The following TEKT2 variants were observed in gnomAD, a reference collection of about 807,000 sequenced individuals.
The protein encoded by TEKT2 is tektin-2.
In TEKT2, 45 loss-of-function variants were observed where a neutral mutation model predicts 49.8. The observed-to-expected ratio is 0.90, with a 90% CI of 0.71 to 1.16. The LOEUF (loss-of-function observed/expected upper bound fraction) is 1.16. Ranked by LOEUF, TEKT2 falls within the 50% of genes most tolerant of loss-of-function variation. TEKT2 has a pLI of 0.00. For synonymous variants in TEKT2, 202 were observed against 224.6 expected, an observed-to-expected ratio of 0.90 and a Z score of 0.90; for missense variants, 523 against 551.4, an observed-to-expected ratio of 0.95 and a Z score of 0.52.
rs765146970 is a variant in TEKT2, at chr1:36,087,396, C to T, written c.856-43C>T. 2.5e-6 allele frequency: 4 copies of T among 1,613,832 alleles called. No individual in the cohort carries two copies. Among genetic ancestry groups the T allele is most frequent in the Non-Finnish European group, 1.7e-6 (2 of 1,179,994 alleles). ...CAGGAGGCACTGGACCAGGCATGCACGTGAGTCCAGCAGGTGGAAACCAGT... is the reference window on the plus strand; with the variant it reads ...CAGGAGGCACTGGACCAGGCATGCATGTGAGTCCAGCAGGTGGAAACCAGT... On this transcript the variant is annotated intron_variant, in intron 7 of 9. Coordinates refer to ENST00000207457, the MANE Select transcript of TEKT2 (RefSeq NM_014466.3). This position sits in a 1 kb window ranked among gnomAD's most constrained non-coding sequence, Gnocchi z 4.9.
At chr1:36,085,315 G>A (rs1195819689) in intron 3 of TEKT2, 27 bp downstream of exon 3, 11 of 1,613,094 alleles carry the variant, frequency 6.8e-6, no homozygotes, top group South Asian at 1.1e-5. Flanking sequence ...GGGTGCCCGG[G>A]GGCTGCTGCC....
At chr1:36,086,108 C>G (rs1643369211) in intron 4 of TEKT2, 67 bp downstream of exon 4, 1 of 1,520,360 alleles carries the variant, frequency 6.6e-7, no homozygotes, top group African/African-American at 1.4e-5. Context: ...CAATGTGGAA[C>G]ACAGGTATTG....
Position 36,086,031 on chromosome 1 carries a change from G to T in TEKT2, c.478G>T (p.Glu160Ter). Residue 160 changes from glutamate to a stop codon, truncating the protein, a stop_gained, in exon 4 of 10, where the codon GAG becomes TAG. Transcript: ENST00000207457. LOFTEE classifies it high-confidence loss of function. Reference protein sequence around the residue: ...ALQQKVSQAFEQLCLLQEVQQ... With the variant: ...ALQQKVSQAF ...GCAACAGAAGGTCAGCCAGGCCTTCGAGCAGCTCTGGTAAGGGAGAGGCAG... is the reference window on the plus strand; with the variant it reads ...GCAACAGAAGGTCAGCCAGGCCTTCTAGCAGCTCTGGTAAGGGAGAGGCAG... The T allele has an allele frequency of 1.3e-6, 2 of 1,581,348 alleles. No individual in the cohort carries two copies. The highest frequency in any genetic ancestry group is 2.3e-5 in the South Asian group (2 of 87,094).
rs1264094668 is a variant in TEKT2 at position 36,084,665 on chromosome 1, G to A, written c.-52-205G>A. 6.6e-6 allele frequency among the ~76,000 whole-genome samples: 1 copy of A among 152,086 alleles called. No individual in the cohort carries two copies. The highest frequency in any genetic ancestry group is 6.5e-5 in the Admixed American group (1 of 15,280). ...CCTGCTCCAGGACCTGCAAGGTCCA[G>A]GGGTTTGTGTCCGCCTGGGGACGGG... On this transcript the variant is annotated intron_variant, in intron 1 of 9. Coordinates refer to ENST00000207457, the MANE Select transcript of TEKT2 (RefSeq NM_014466.3). This position sits in a 1 kb window ranked among gnomAD's most constrained non-coding sequence, Gnocchi z 4.1.
chr1:36,084,831 T>A lies in TEKT2; in HGVS notation c.-52-39T>A. On this transcript the variant is annotated intron_variant, in intron 1 of 9. Transcript: ENST00000207457. The surrounding 1 kb of genome is among the most constrained non-coding windows in gnomAD (Gnocchi z 4.1). ...CAGGGGGCGTGTGATCCAGGAGGTC[T>A]CCGGAAAGGTCTCCCGCAGCAGTGT... is the stretch of plus-strand genomic sequence containing the variant. 6.3e-7 allele frequency: 1 copy of A among 1,593,294 alleles called. No individual in the cohort carries two copies. The highest frequency in any genetic ancestry group is 8.6e-7 in the Non-Finnish European group (1 of 1,164,122).
Position 36,084,474 on chromosome 1 carries a change from C to G in TEKT2, c.-53+325C>G, listed in dbSNP as rs1260579786. On this transcript the variant is annotated intron_variant, in intron 1 of 9. Coordinates refer to ENST00000207457, the MANE Select transcript of TEKT2 (RefSeq NM_014466.3). The surrounding 1 kb of genome is among the most constrained non-coding windows in gnomAD (Gnocchi z 4.1). ...CTTAGATCCCCCACGGGGACTGGCC[C>G]GCAGCCTGGGGAAGAAAGGAAAGGA... is the stretch of plus-strand genomic sequence containing the variant. 3 of 263,840 alleles carry G rather than the reference C, an allele frequency of 1.1e-5. No individual in the cohort carries two copies. The highest frequency in any genetic ancestry group is 1.0e-4 in the East Asian group (1 of 9,950). The allele number at this position is 263,840 out of a possible 1,614,324, so 16.3% of individuals were successfully genotyped here.
Position 36,084,729 on chromosome 1 carries a change from G to C in TEKT2, c.-52-141G>C. 1.3e-6 allele frequency: 1 copy of C among 770,678 alleles called. No individual in the cohort carries two copies. The highest frequency in any genetic ancestry group is 2.2e-5 in the Admixed American group (1 of 44,510). 47.7% of individuals were successfully genotyped at this position (770,678 alleles called of 1,614,324 possible). A position where few individuals can be genotyped will look rare whatever the true frequency, so the allele number is the denominator to read the frequency against. On this transcript the variant is annotated intron_variant, in intron 1 of 9. Transcript: ENST00000207457. The surrounding 1 kb of genome is among the most constrained non-coding windows in gnomAD (Gnocchi z 4.1). The stretch of plus-strand genomic sequence containing the variant: ...TAGTTAATACCTCACACAAAGTTGA[G>C]TAAAGCAAGGGCTGTCTCCAAGCAG...
In TEKT2 at chr1:36,084,678, G is replaced by A. The variant is rs540485312; in HGVS notation, c.-52-192G>A. 1.7e-4 allele frequency among the ~76,000 whole-genome samples: 26 copies of A among 152,268 alleles called. No homozygotes were observed. The highest frequency in any genetic ancestry group is 6.3e-4 in the African/African-American group (26 of 41,560). On this transcript the variant is annotated intron_variant, in intron 1 of 9. Coordinates refer to ENST00000207457, the MANE Select transcript of TEKT2 (RefSeq NM_014466.3). The surrounding 1 kb of genome is among the most constrained non-coding windows in gnomAD (Gnocchi z 4.1). The stretch of plus-strand genomic sequence containing the variant: ...CTGCAAGGTCCAGGGGTTTGTGTCC[G>A]CCTGGGGACGGGAGGGAGGGAAACT...
chr1:36,088,110 C>T lies in TEKT2; in HGVS notation c.1217C>T (p.Pro406Leu). The change falls in exon 10 of 10, where the codon CCT becomes CTT. Residue 406 changes from proline (P) to leucine (L), a missense_variant. Coordinates refer to ENST00000207457, the MANE Select transcript of TEKT2 (RefSeq NM_014466.3). ...KLTVPAERFV[P>L]EVDTFTRTTN... ...ACCGTGCCTGCTGAGAGGTTCGTGC[C>T]TGAGGTGGACACCTTCACACGTACC... 6.2e-7 allele frequency: 1 copy of T among 1,613,128 alleles called. No individual in the cohort carries two copies. The highest frequency in any genetic ancestry group is 8.5e-7 in the Non-Finnish European group (1 of 1,180,000).
Position 36,084,637 on chromosome 1 carries a change from T to A in TEKT2, c.-52-233T>A. Reference sequence around the variant, plus strand: ...GCTTCCGGGACTCCATTATTCCTTTTTACCTGCTCCAGGACCTGCAAGGTC... The same window carrying A: ...GCTTCCGGGACTCCATTATTCCTTTATACCTGCTCCAGGACCTGCAAGGTC... On this transcript the variant is annotated intron_variant, in intron 1 of 9. Coordinates refer to ENST00000207457, the MANE Select transcript of TEKT2 (RefSeq NM_014466.3). The surrounding 1 kb of genome is among the most constrained non-coding windows in gnomAD (Gnocchi z 4.1). 2 of 550,036 alleles carry A rather than the reference T, an allele frequency of 3.6e-6. No individual in the cohort carries two copies. Among genetic ancestry groups the A allele is most frequent in the Non-Finnish European group, 6.5e-6 (2 of 305,906 alleles). 34.1% of individuals were successfully genotyped at this position (550,036 alleles called of 1,614,324 possible). A position where few individuals can be genotyped will look rare whatever the true frequency, so the allele number is the denominator to read the frequency against.
At position 36,084,844 on chromosome 1, in the gene TEKT2, C is replaced by CCCGCACACAG. The variant is rs1553175108; in HGVS notation, c.-52-21_-52-20insCACAGCCGCA. 6.2e-7 allele frequency: 1 copy of CCCGCACACAG among 1,605,940 alleles called. No individual in the cohort carries two copies. The highest frequency in any genetic ancestry group is 2.2e-5 in the East Asian group (1 of 44,870). ...ATCCAGGAGGTCTCCGGAAAGGTCT[C>CCCGCACACAG]CCGCAGCAGTGTTTTCCCTCTGCAG... On this transcript the variant is annotated intron_variant, in intron 1 of 9. Transcript: ENST00000207457. This position sits in a 1 kb window ranked among gnomAD's most constrained non-coding sequence, Gnocchi z 4.1.
Position 36,084,453 on chromosome 1 carries a change from G to C in TEKT2, c.-53+304G>C, listed in dbSNP as rs574836545. On this transcript the variant is annotated intron_variant, in intron 1 of 9. Transcript: ENST00000207457. The surrounding 1 kb of genome is among the most constrained non-coding windows in gnomAD (Gnocchi z 4.1). ...AGACAGAACAGGGCTCCTGCCCTTA[G>C]ATCCCCCACGGGGACTGGCCCGCAG... 4.3e-6 allele frequency: 1 copy of C among 234,124 alleles called. No individual in the cohort carries two copies. Among genetic ancestry groups the C allele is most frequent in the South Asian group, 5.4e-5 (1 of 18,406 alleles). The allele number at this position is 234,124 out of a possible 1,614,324, so 14.5% of individuals were successfully genotyped here.
Position 36,087,013 on chromosome 1 carries a change from C to G in TEKT2, c.715C>G (p.Leu239Val). The stretch of plus-strand genomic sequence containing the variant: ...GGCTGAGATGAAGGCAGCCACAGAG[C>G]TGAGGGAGGCCACTGCTCTAACTAT... ...AEAEMKAATE[L>V]REATALTIAE... is the part of the protein sequence containing the mutation. Residue 239 changes from leucine (L) to valine (V), a missense_variant, in exon 6 of 10, where the codon CTG (leucine) becomes GTG (valine). By Grantham distance (32) the Leu-to-Val change is conservative. Coordinates refer to ENST00000207457, the MANE Select transcript of TEKT2 (RefSeq NM_014466.3). The surrounding 1 kb of genome is among the most constrained non-coding windows in gnomAD (Gnocchi z 4.9). 6.2e-7 allele frequency: 1 copy of G among 1,614,042 alleles called. No homozygotes were observed. The highest frequency in any genetic ancestry group is 8.5e-7 in the Non-Finnish European group (1 of 1,180,020).
In TEKT2 at chr1:36,084,605, C is replaced by G. The variant is rs761897123; in HGVS notation, c.-52-265C>G. On this transcript the variant is annotated intron_variant, in intron 1 of 9. Transcript: ENST00000207457. This position sits in a 1 kb window ranked among gnomAD's most constrained non-coding sequence, Gnocchi z 4.1. The stretch of plus-strand genomic sequence containing the variant: ...CCAGGCATTTGGCACTTCACACACA[C>G]TTCGAGGCTTCCGGGACTCCATTAT... 2.0e-5 allele frequency: 10 copies of G among 488,720 alleles called. No individual in the cohort carries two copies. Among genetic ancestry groups the G allele is most frequent in the Non-Finnish European group, 3.7e-5 (10 of 267,806 alleles). 30.3% of individuals were successfully genotyped at this position (488,720 alleles called of 1,614,324 possible). A position where few individuals can be genotyped will look rare whatever the true frequency, so the allele number is the denominator to read the frequency against.
chr1:36,085,357 G>A, intron 3 of TEKT2, 69 bp downstream of exon 3: 1 of 1,608,578 alleles, frequency 6.2e-7, no homozygotes, highest in South Asian at 1.1e-5. Context: ...CAGCTAGGTT[G>A]AGAAGCCCTT....
rs757688589 is a variant in TEKT2, at chr1:36,085,304, T to TG, written c.282+19dup. On this transcript the variant is annotated intron_variant, in intron 3 of 9. Coordinates refer to ENST00000207457, the MANE Select transcript of TEKT2 (RefSeq NM_014466.3). ...CCTGACACAGGCAGGGATCCAGGACTGGGTGCCCGGGGGCTGCTGCCGAAA... is the reference window on the plus strand; with the variant it reads ...CCTGACACAGGCAGGGATCCAGGACTGGGGTGCCCGGGGGCTGCTGCCGAAA... The TG allele has an allele frequency of 1.2e-6, 2 of 1,613,536 alleles. No individual in the cohort carries two copies. The highest frequency in any genetic ancestry group is 1.3e-5 in the African/African-American group (1 of 74,894).
intron 4 of TEKT2, among the ~76,000 whole-genome samples, 179 bp downstream of exon 4, chr1:36,086,220 G>C (rs1643370836): frequency 6.6e-6 from 1 of 152,144 alleles, no homozygotes; most frequent in African/African-American, 2.4e-5. Context: ...CCTGGACATG[G>C]GCTCAGAATA....
chr1:36,084,608 C>A lies in TEKT2; in HGVS notation c.-52-262C>A. ...GGCATTTGGCACTTCACACACACTT[C>A]GAGGCTTCCGGGACTCCATTATTCC... On this transcript the variant is annotated intron_variant, in intron 1 of 9. Coordinates refer to ENST00000207457, the MANE Select transcript of TEKT2 (RefSeq NM_014466.3). The surrounding 1 kb of genome is among the most constrained non-coding windows in gnomAD (Gnocchi z 4.1). 2.0e-6 allele frequency: 1 copy of A among 494,098 alleles called. No homozygotes were observed. Among genetic ancestry groups the A allele is most frequent in the South Asian group, 2.2e-5 (1 of 44,952 alleles). The allele number at this position is 494,098 out of a possible 1,614,324, so 30.6% of individuals were successfully genotyped here.
chr1:36,088,038 A>C lies in TEKT2; in HGVS notation c.1145A>C (p.Asn382Thr). 1 of 1,612,710 alleles carries C rather than the reference A, an allele frequency of 6.2e-7. No homozygotes were observed. The highest frequency in any genetic ancestry group is 8.5e-7 in the Non-Finnish European group (1 of 1,179,798). Residue 382 changes from asparagine to threonine, a missense_variant, in exon 10 of 10, where the codon AAC becomes ACC. By Grantham distance (65) the Asn-to-Thr change is moderately conservative. Coordinates refer to ENST00000207457, the MANE Select transcript of TEKT2 (RefSeq NM_014466.3). ...CAGGCTGACATTGCCTGCAAGGCCA[A>C]CTCCATGCTGCTGGACACCAAGTGC... ...RLQADIACKA[N>T]SMLLDTKCMD...
Sources: allele counts gnomAD v4.1 joint callset (sites outside exome capture counted in the v4.1 genomes callset), GRCh38; gene constraint gnomAD v4.1.1; non-coding constraint Gnocchi (gnomAD v3.1); transcripts MANE v1.5; gene names NCBI Gene and HGNC (gene_info 2026-07-23, HGNC 2026-07-21).